The following TEX9 variants were observed in gnomAD, a reference collection of about 807,000 sequenced individuals.
TEX9 encodes testis-expressed protein 9.
Under a neutral mutation model 59.6 loss-of-function variants are expected in TEX9, and 74 were observed. The ratio of observed to expected loss-of-function variants is 1.24; its 90% confidence interval spans 1.03 to 1.51. The LOEUF (loss-of-function observed/expected upper bound fraction) is 1.51. TEX9 is among the 40% of genes most tolerant of loss of function. The pLI, the probability that TEX9 is intolerant of heterozygous loss-of-function variation, is 0.00. For synonymous variants in TEX9, 186 were observed against 152.2 expected, an observed-to-expected ratio of 1.22 and a Z score of -1.64; for missense variants, 522 against 447.8, an observed-to-expected ratio of 1.17 and a Z score of -1.49.
intron 3 of TEX9, chr15:56,374,481 A>G (rs1443116332): frequency 6.6e-6 from 1 of 152,202 alleles, no homozygotes; most frequent in African/African-American, 2.4e-5. Flanking sequence ...GCATTGTGTA[A>G]TAATCACATC....
chr15:56,333,122 A>C (rs1046628379), intron 1 of TEX9, among the ~76,000 whole-genome samples: 1 of 152,190 alleles, frequency 6.6e-6, no homozygotes, highest in Non-Finnish European at 1.5e-5. Context: ...TCATACTCCA[A>C]CTATTCTGAA....
At chr15:56,356,308 A>G (rs1250736788) in intron 1 of TEX9, among the ~76,000 whole-genome samples, 1 of 152,084 alleles carries the variant, frequency 6.6e-6, no homozygotes, top group African/African-American at 2.4e-5. Flanking sequence ...GTTCCCTTCT[A>G]TTCTTAGTTG....
chr15:56,452,086 C>G, the TEX9 span, among the ~76,000 whole-genome samples: 2 of 152,068 alleles, frequency 1.3e-5, no homozygotes, highest in Admixed American at 1.3e-4. Context: ...ACTTGTCTTC[C>G]CTGTCCTATG....
In TEX9 at chr15:56,435,048, A is replaced by G. The variant is rs969299453; in HGVS notation, c.*29+6575A>G. 3.3e-5 allele frequency among the ~76,000 whole-genome samples: 5 copies of G among 152,218 alleles called. No homozygotes were observed. The East Asian group carries it at 9.6e-4, about 29-fold the overall frequency. The stretch of plus-strand genomic sequence containing the variant: ...AATTTTACAATGGTCACTCACTTCT[A>G]AATAATTCATGGGCCAAAGAGGGAA... On this transcript the variant is annotated intron_variant, in intron 12 of 12. Coordinates refer to ENST00000352903, the Ensembl canonical transcript of TEX9.
At chr15:56,313,021 C>A (rs1461291203) in intron 1 of TEX9, among the ~76,000 whole-genome samples, 42 of 136,264 alleles carry the variant, frequency 3.1e-4, no homozygotes, top group African/African-American at 1.2e-3. Flanking sequence ...GCTGAAGTTG[C>A]TTATCAGCTT....
At chr15:56,422,231 C>A (rs1330350511) in intron 10 of TEX9, among the ~76,000 whole-genome samples, 1 of 150,082 alleles carries the variant, frequency 6.7e-6, no homozygotes, top group Admixed American at 6.6e-5. Flanking sequence ...GCACATGTAC[C>A]CTAAAACTTA....
intron 1 of TEX9, among the ~76,000 whole-genome samples, chr15:56,272,316 T>C (rs2141401982): frequency 6.6e-6 from 1 of 152,318 alleles, no homozygotes; most frequent in East Asian, 1.9e-4. Context: ...CTAATTTACT[T>C]TATTTCTCTA....
chr15:56,412,534 T>C (rs2049410038), intron 10 of TEX9, 98 bp downstream of exon 10: 1 of 1,287,884 alleles, frequency 7.8e-7, no homozygotes, highest in South Asian at 1.5e-5. Context: ...ATTCTTGATG[T>C]CATGCTGAAC....
chr15:56,398,411 C>G (rs1461612305), intron 9 of TEX9: 1 of 152,030 alleles, frequency 6.6e-6, no homozygotes, highest in Non-Finnish European at 1.5e-5. Context: ...TTCTATTGGT[C>G]TAAGAAATAT....
At chr15:56,339,141 G>A (rs914078427) in intron 1 of TEX9, among the ~76,000 whole-genome samples, 1 of 151,644 alleles carries the variant, frequency 6.6e-6, no homozygotes, top group Non-Finnish European at 1.5e-5. Context: ...CCAGCACTTT[G>A]AGGGGCTGAG....
intron 12 of TEX9, chr15:56,431,238 G>A: frequency 1.1e-6 from 1 of 951,338 alleles, no homozygotes; most frequent in African/African-American, 1.7e-5. Flanking sequence ...TTCAGTGCCT[G>A]GACAGGAGGA....
intron 1 of TEX9, chr15:56,323,343 A>C (rs2045943699): frequency 5.3e-6 from 1 of 187,802 alleles, no homozygotes; most frequent in Non-Finnish European, 1.1e-5. Flanking sequence ...TGTGTTTCCT[A>C]AAGGGGAAAC....
chr15:56,323,036 A>G (rs1381427545), intron 1 of TEX9, among the ~76,000 whole-genome samples: 1 of 152,144 alleles, frequency 6.6e-6, no homozygotes, highest in East Asian at 1.9e-4. Context: ...ACTGAGCTCC[A>G]TAGAGACAGC....
intron 9 of TEX9, chr15:56,398,153 C>G (rs1596181491): frequency 6.6e-6 from 1 of 152,116 alleles, no homozygotes; most frequent in East Asian, 1.9e-4. Context: ...CCATATGTGG[C>G]TAAATTGCGA....
intron 1 of TEX9, among the ~76,000 whole-genome samples, chr15:56,346,977 A>C (rs78674217): frequency 0.059 from 8,948 of 152,266 alleles, 667 homozygotes; most frequent in East Asian, 0.37. Flanking sequence ...TACCATTTAC[A>C]ATCTCTCTCT....
In TEX9 at chr15:56,298,187, C is replaced by T. The variant is rs561437348; in HGVS notation, c.-107+53909C>T. Among the ~76,000 whole-genome samples, 75 of 152,280 alleles carry T rather than the reference C, an allele frequency of 4.9e-4. 1 individual carries two copies. The highest frequency in any genetic ancestry group is 1.8e-3 in the African/African-American group (74 of 41,548). ...AAAAAGTATTTGAGACAGTACCACC[C>T]TGTTTTCATTCTAAATTTCTAGACC... On this transcript the variant is annotated intron_variant, in intron 1 of 5. Coordinates refer to the TEX9 transcript ENST00000560827.
At chr15:56,366,984 A>G (rs1401836197) in intron 2 of TEX9, among the ~76,000 whole-genome samples, 1 of 152,228 alleles carries the variant, frequency 6.6e-6, no homozygotes, top group Non-Finnish European at 1.5e-5. Flanking sequence ...CTATGCCTCA[A>G]TCAAAACGGT....
At chr15:56,267,934 A>G (rs1271942590) in intron 1 of TEX9, among the ~76,000 whole-genome samples, 1 of 152,128 alleles carries the variant, frequency 6.6e-6, no homozygotes, top group African/African-American at 2.4e-5. Context: ...GGCCATTTTC[A>G]CGATATTGAT....
intron 1 of TEX9, among the ~76,000 whole-genome samples, chr15:56,291,405 C>G (rs1019949681): frequency 3.3e-5 from 5 of 152,048 alleles, no homozygotes; most frequent in Admixed American, 6.6e-5. Flanking sequence ...ACAACATCCT[C>G]CCCCCTATTT....
Sources: allele counts gnomAD v4.1 joint callset (sites outside exome capture counted in the v4.1 genomes callset), GRCh38; gene constraint gnomAD v4.1.1; transcripts MANE v1.5; gene names NCBI Gene and HGNC (gene_info 2026-07-23, HGNC 2026-07-21).